FBXL17: variants seen among roughly 807,000 people sequenced by gnomAD.
The protein encoded by FBXL17 is F-box and leucine rich repeat protein 17.
A neutral mutation model predicts 66.2 loss-of-function variants in FBXL17; 22 were observed. That is an observed-to-expected ratio of 0.33 (90% CI 0.24 to 0.47). The LOEUF (loss-of-function observed/expected upper bound fraction) is 0.47. Among genes scored for constraint, FBXL17 ranks in the 20% least tolerant of loss-of-function variants. FBXL17 has a pLI of 1.00. For synonymous variants in FBXL17, 474 were observed against 400.5 expected (o/e 1.18, Z -2.19); for missense variants, 878 against 948.2 (o/e 0.93, Z 0.97).
chr5:108,289,113 A>G (rs1022505062), intron 4 of FBXL17, among the ~76,000 whole-genome samples: 5 of 152,112 alleles, frequency 3.3e-5, no homozygotes, highest in African/African-American at 1.2e-4. Flanking sequence ...GAAAGCTCTT[A>G]GCGACAGCTT....
Position 107,881,027 on chromosome 5 carries a change from C to T in FBXL17, c.1965+10G>A. 6.2e-7 allele frequency: 1 copy of T among 1,614,030 alleles called. No homozygotes were observed. The highest frequency in any genetic ancestry group is 8.5e-7 in the Non-Finnish European group (1 of 1,179,952). The stretch of plus-strand genomic sequence containing the variant: ...TGTAGAAAGCAAACAACTTGATAGT[C>T]AACTCTTACTTTATCACATCTCATC... On this transcript the variant is annotated intron_variant, in intron 8 of 8. Coordinates refer to ENST00000542267, the MANE Select transcript of FBXL17 (RefSeq NM_001163315.3).
At chr5:107,945,904 C>G in intron 7 of FBXL17, among the ~76,000 whole-genome samples, 1 of 152,024 alleles carries the variant, frequency 6.6e-6, no homozygotes, top group East Asian at 1.9e-4. Context: ...AATTTGAAAA[C>G]TCACTTTTAA....
intron 5 of FBXL17, among the ~76,000 whole-genome samples, chr5:108,207,232 T>A (rs1467887840): frequency 6.6e-6 from 1 of 152,122 alleles, no homozygotes; most frequent in Non-Finnish European, 1.5e-5. Context: ...GAAAAGGGAC[T>A]CTCTCCTTAA....
chr5:108,320,055 T>C (rs1292799592), intron 4 of FBXL17, among the ~76,000 whole-genome samples: 1 of 151,826 alleles, frequency 6.6e-6, no homozygotes, highest in Non-Finnish European at 1.5e-5. Flanking sequence ...GGTCCTCCTT[T>C]AGAACATTTA....
chr5:108,111,995 C>T (rs1185646654), intron 6 of FBXL17, among the ~76,000 whole-genome samples: 4 of 152,120 alleles, frequency 2.6e-5, no homozygotes, highest in Admixed American at 2.6e-4. Flanking sequence ...ATAAGTAAAA[C>T]GTTCAATGCC....
chr5:108,180,745 C>A (rs1752969265), intron 6 of FBXL17, among the ~76,000 whole-genome samples: 1 of 151,950 alleles, frequency 6.6e-6, no homozygotes, highest in African/African-American at 2.4e-5. Context: ...CAACCCTGGC[C>A]TTTGTTATGC....
intron 7 of FBXL17, among the ~76,000 whole-genome samples, chr5:107,992,154 T>C (rs1580297585): frequency 6.6e-6 from 1 of 151,872 alleles, no homozygotes; most frequent in South Asian, 2.1e-4. Flanking sequence ...TTGGGGCAGG[T>C]AGGTGATCAT....
intron 8 of FBXL17, among the ~76,000 whole-genome samples, chr5:107,872,207 T>C (rs933369042): frequency 2.6e-5 from 4 of 152,212 alleles, no homozygotes; most frequent in Admixed American, 6.5e-5. Context: ...AATCAGGGCA[T>C]TGCAGGGCTG....
In FBXL17 at chr5:108,364,912, A is replaced by G. The variant is rs752074523; in HGVS notation, c.1200T>C (p.Ser400=). ...EINISDCRSM[S]DNGVCVLAFK... The stretch of plus-strand genomic sequence containing the variant: ...ATGCTAAAACACATACGCCATTATC[A>G]GACATACTGCGACAATCAGAAATGT... Residue 400 remains serine (S), a synonymous_variant, in exon 3 of 9, where the codon TCT becomes TCC. Coordinates refer to ENST00000542267, the MANE Select transcript of FBXL17 (RefSeq NM_001163315.3). 1.9e-5 allele frequency: 30 copies of G among 1,612,748 alleles called. No individual in the cohort carries two copies. In the Admixed American group the frequency reaches 4.8e-4, roughly 26 times the overall value.
intron 4 of FBXL17, among the ~76,000 whole-genome samples, chr5:108,320,366 C>A (rs1014812012): frequency 6.6e-6 from 1 of 151,594 alleles, no homozygotes; most frequent in South Asian, 2.1e-4. Context: ...ACCCACCAGA[C>A]AAGCCTGTCC....
intron 6 of FBXL17, among the ~76,000 whole-genome samples, chr5:108,168,088 T>A (rs1752477318): frequency 6.6e-6 from 1 of 152,186 alleles, no homozygotes; most frequent in East Asian, 1.9e-4. Context: ...TGTGTCAAAA[T>A]GAATGACATA....
At chr5:107,936,853 A>T (rs1053774248) in intron 7 of FBXL17, among the ~76,000 whole-genome samples, 2 of 152,138 alleles carry the variant, frequency 1.3e-5, no homozygotes, top group Non-Finnish European at 2.9e-5. Flanking sequence ...TGGATTATAA[A>T]TTACAACAGA....
At chr5:108,095,378 G>T (rs999722657) in intron 6 of FBXL17, among the ~76,000 whole-genome samples, 6 of 151,822 alleles carry the variant, frequency 4.0e-5, no homozygotes, top group Non-Finnish European at 7.4e-5. Context: ...AGAAAGAGAG[G>T]GGATGATATT....
chr5:107,982,679 T>C (rs893236053), intron 7 of FBXL17, among the ~76,000 whole-genome samples: 44 of 152,180 alleles, frequency 2.9e-4, no homozygotes, highest in African/African-American at 1.1e-3. Flanking sequence ...TATAATGTCA[T>C]GTTAAGAAAT....
chr5:108,223,964 T>A (rs555288572), intron 5 of FBXL17, among the ~76,000 whole-genome samples, 157 bp downstream of exon 5: 137 of 152,262 alleles, frequency 9.0e-4, no homozygotes, highest in Non-Finnish European at 1.6e-3. Context: ...AAGGATAAGT[T>A]TGGTATTGCT....
At chr5:108,081,481 G>C (rs1015411716) in intron 6 of FBXL17, among the ~76,000 whole-genome samples, 1 of 152,084 alleles carries the variant, frequency 6.6e-6, no homozygotes, top group Non-Finnish European at 1.5e-5. Flanking sequence ...CAGCACTTTG[G>C]GAGGCCAAGG....
chr5:108,111,222 A>G (rs889260862), intron 6 of FBXL17, among the ~76,000 whole-genome samples: 2 of 147,412 alleles, frequency 1.4e-5, no homozygotes, highest in African/African-American at 5.1e-5. Flanking sequence ...TAAAAAGAAG[A>G]AAAAAAAAAG....
chr5:107,942,381 C>T (rs756852989), intron 7 of FBXL17, among the ~76,000 whole-genome samples: 1 of 152,150 alleles, frequency 6.6e-6, no homozygotes, highest in African/African-American at 2.4e-5. Flanking sequence ...CTTTGTATAA[C>T]CTCTGCTGCA....
At position 108,235,016 on chromosome 5, in the gene FBXL17, T is replaced by C. The variant is rs73214527; in HGVS notation, c.1507-10788A>G. 4.8e-3 allele frequency among the ~76,000 whole-genome samples: 733 copies of C among 152,334 alleles called. 9 individuals carry two copies. The highest frequency in any genetic ancestry group is 0.017 in the African/African-American group (713 of 41,592). On this transcript the variant is annotated intron_variant, in intron 4 of 8. Coordinates refer to ENST00000542267, the MANE Select transcript of FBXL17 (RefSeq NM_001163315.3). ...CAGATCTATCTTTATCAGAATAAGA[T>C]TGATTCAATGAAATAATTTTGTAAT...
Sources: allele counts gnomAD v4.1 joint callset (sites outside exome capture counted in the v4.1 genomes callset), GRCh38; gene constraint gnomAD v4.1.1; transcripts MANE v1.5; gene names NCBI Gene and HGNC (gene_info 2026-07-23, HGNC 2026-07-21).